Variants in CACNB4 observed in about 807,000 individuals in gnomAD.
CACNB4 encodes the protein calcium voltage-gated channel auxiliary subunit beta 4, also known as voltage-dependent L-type calcium channel subunit beta-4.
In CACNB4, 32 loss-of-function variants were observed where a neutral mutation model predicts 71.2. The ratio of observed to expected loss-of-function variants is 0.45; its 90% confidence interval spans 0.34 to 0.60. The LOEUF is 0.60. Ranked by LOEUF, CACNB4 falls within the 20% of genes least tolerant of loss-of-function variation. The pLI, the probability that CACNB4 is intolerant of heterozygous loss-of-function variation, is 0.01. For synonymous variants in CACNB4, 231 were observed against 236.9 expected, an observed-to-expected ratio of 0.97 and a Z score of 0.23; for missense variants, 464 against 647.9, an observed-to-expected ratio of 0.72 and a Z score of 3.08.
At chr2:152,090,455 A>G (rs1687906780) in intron 2 of CACNB4, among the ~76,000 whole-genome samples, 1 of 152,134 alleles carries the variant, frequency 6.6e-6, no homozygotes, top group Non-Finnish European at 1.5e-5. Context: ...GGAGTTCGAG[A>G]CCAGCCTGAC....
chr2:151,977,729 G>A (rs577130331), intron 2 of CACNB4, among the ~76,000 whole-genome samples: 40 of 152,120 alleles, frequency 2.6e-4, no homozygotes, highest in Non-Finnish European at 3.8e-4. Context: ...TAAATTTCTC[G>A]GGAATTTAAC....
chr2:151,938,929 A>G (rs899556911), intron 2 of CACNB4, among the ~76,000 whole-genome samples: 1 of 152,230 alleles, frequency 6.6e-6, no homozygotes, highest in African/African-American at 2.4e-5. Context: ...TTTAAGTTCT[A>G]TCAGCTCTGC....
chr2:151,964,636 T>C (rs2099870571), intron 2 of CACNB4, among the ~76,000 whole-genome samples: 1 of 152,202 alleles, frequency 6.6e-6, no homozygotes, highest in Non-Finnish European at 1.5e-5. Context: ...TAGCCCTGTG[T>C]TAGACATGTT....
chr2:151,983,675 TCACACACACACACACA>T (rs1553803380), intron 2 of CACNB4, among the ~76,000 whole-genome samples: 1 of 141,428 alleles, frequency 7.1e-6, no homozygotes, highest in Non-Finnish European at 1.5e-5. Flanking sequence ...TAAACTTTGG[TCACACACACACACACA>T]CACACACACA....
At chr2:151,924,583 A>G (rs1045089621) in intron 2 of CACNB4, among the ~76,000 whole-genome samples, 5 of 151,954 alleles carry the variant, frequency 3.3e-5, no homozygotes, top group African/African-American at 4.8e-5. Context: ...TAATATGTAT[A>G]TATTACACCA....
intron 2 of CACNB4, among the ~76,000 whole-genome samples, chr2:151,896,427 G>A (rs1004690642): frequency 2.0e-5 from 3 of 152,202 alleles, no homozygotes; most frequent in Admixed American, 6.5e-5. Flanking sequence ...TAAGAGCTAT[G>A]CCTACCCCTA....
chr2:151,927,067 G>A (rs2099860431), intron 2 of CACNB4, among the ~76,000 whole-genome samples: 1 of 152,050 alleles, frequency 6.6e-6, no homozygotes, highest in Non-Finnish European at 1.5e-5. Context: ...AGGAGTCCAC[G>A]GCTTCACCAG....
At chr2:152,004,558 C>T (rs1274435912) in intron 2 of CACNB4, among the ~76,000 whole-genome samples, 9 of 152,072 alleles carry the variant, frequency 5.9e-5, no homozygotes, top group South Asian at 2.1e-4. Context: ...CACACACACA[C>T]ACACACACAC....
chr2:151,987,242 A>G (rs983213835), intron 2 of CACNB4, among the ~76,000 whole-genome samples: 2 of 152,194 alleles, frequency 1.3e-5, no homozygotes, highest in African/African-American at 4.8e-5. Flanking sequence ...TTAATTGACA[A>G]TGATGGATAG....
chr2:152,049,338 T>A (rs1047196080), intron 2 of CACNB4, among the ~76,000 whole-genome samples: 9 of 152,050 alleles, frequency 5.9e-5, no homozygotes, highest in African/African-American at 2.2e-4. Flanking sequence ...CTAATTTTTT[T>A]ATTTTCAGTA....
chr2:151,933,207 G>A (rs531015132), intron 2 of CACNB4, among the ~76,000 whole-genome samples: 2 of 150,908 alleles, frequency 1.3e-5, no homozygotes, highest in Non-Finnish European at 3.0e-5. Context: ...AATTACTTTT[G>A]CACCAACCTA....
At chr2:151,879,904 C>T (rs1167149028) in intron 4 of CACNB4, 1 of 152,224 alleles carries the variant, frequency 6.6e-6, no homozygotes, top group Non-Finnish European at 1.5e-5. Context: ...GTAAGAACAT[C>T]TCTTACCTTT....
chr2:151,840,548 A>G lies in CACNB4; in HGVS notation c.1303-1169T>C, dbSNP rs183785798. ...TCCACACTAGTCAATAGTAATGTAC[A>G]CTCAGATCAGCCCATGGGAAGTGAA... On this transcript the variant is annotated intron_variant, in intron 13 of 13. Transcript: ENST00000539935. Among the ~76,000 whole-genome samples the G allele has an allele frequency of 6.9e-4, 105 of 152,324 alleles. No homozygotes were observed. In the East Asian group the frequency reaches 0.012, roughly 18 times the overall value.
intron 2 of CACNB4, among the ~76,000 whole-genome samples, chr2:151,978,669 G>A (rs1031876393): frequency 1.3e-5 from 2 of 152,168 alleles, no homozygotes; most frequent in East Asian, 3.8e-4. Context: ...GCAAGCACAG[G>A]GCTGCTATGG....
chr2:151,847,105 A>C (rs1274358886), intron 12 of CACNB4, among the ~76,000 whole-genome samples: 1 of 151,092 alleles, frequency 6.6e-6, no homozygotes, highest in Non-Finnish European at 1.5e-5. Flanking sequence ...ACACCAAAAA[A>C]AAAAAAAAAA....
intron 2 of CACNB4, among the ~76,000 whole-genome samples, chr2:152,036,657 G>A (rs956104881): frequency 2.6e-5 from 4 of 152,070 alleles, no homozygotes; most frequent in African/African-American, 9.7e-5. Context: ...TGTTAAGTGT[G>A]GTGAAAGGCA....
intron 2 of CACNB4, among the ~76,000 whole-genome samples, chr2:151,907,164 G>A (rs564034418): frequency 6.6e-6 from 1 of 152,070 alleles, no homozygotes; most frequent in Non-Finnish European, 1.5e-5. Flanking sequence ...TCAGAGAACA[G>A]AGGTAGGGAA....
At chr2:152,076,725 G>GA (rs11424884) in intron 2 of CACNB4, among the ~76,000 whole-genome samples, 151,349 of 152,324 alleles carry the variant, frequency 0.99, 75,202 homozygotes, top group Middle Eastern at 1. Context: ...CCCAGATACT[G>GA]ATCTCAAAAG....
In CACNB4 at chr2:151,835,080, G is replaced by A. The variant is rs1468338337; in HGVS notation, c.*4039C>T. On this transcript the variant is annotated 3_prime_UTR_variant, in exon 14 of 14. Transcript: ENST00000539935. ...TAAGTCATGCTCTGTGGAAGTCAAG[G>A]ACCAACAAAATGTGAATTTGCAAAC... 1 of 151,834 alleles carries A rather than the reference G, an allele frequency of 6.6e-6. No individual in the cohort carries two copies. The highest frequency in any genetic ancestry group is 1.5e-5 in the Non-Finnish European group (1 of 67,804). The allele number at this position is 151,834 out of a possible 1,614,324, so 9.4% of individuals were successfully genotyped here. A position where few individuals can be genotyped will look rare whatever the true frequency, so the allele number is the denominator to read the frequency against.
Sources: allele counts gnomAD v4.1 joint callset (sites outside exome capture counted in the v4.1 genomes callset), GRCh38; gene constraint gnomAD v4.1.1; transcripts MANE v1.5; gene names NCBI Gene and HGNC (gene_info 2026-07-23, HGNC 2026-07-21).